RABGAP1L: variants seen among roughly 807,000 people sequenced by gnomAD.
The protein encoded by RABGAP1L is RAB GTPase activating protein 1 like.
RABGAP1L carries 63 observed loss-of-function variants against 137.7 expected under a neutral mutation model. The observed-to-expected ratio is 0.46, with a 90% CI of 0.37 to 0.56. The LOEUF is 0.56. Ranked by LOEUF, RABGAP1L falls within the 20% of genes least tolerant of loss-of-function variation. The pLI, the probability that RABGAP1L is intolerant of heterozygous loss-of-function variation, is 0.00. For synonymous variants in RABGAP1L, 431 were observed against 433.7 expected, an observed-to-expected ratio of 0.99 and a Z score of 0.08; for missense variants, 1,095 against 1,244.0, an observed-to-expected ratio of 0.88 and a Z score of 1.80.
chr1:174,579,050 C>G (rs1039475344), intron 13 of RABGAP1L, among the ~76,000 whole-genome samples: 2 of 152,112 alleles, frequency 1.3e-5, no homozygotes, highest in African/African-American at 4.8e-5. Flanking sequence ...TGGAGACCTG[C>G]TTTCCCAAAT....
At chr1:174,649,627 C>T (rs942090940) in intron 14 of RABGAP1L, among the ~76,000 whole-genome samples, 1 of 151,902 alleles carries the variant, frequency 6.6e-6, no homozygotes, top group Non-Finnish European at 1.5e-5. Context: ...CATGATTTGG[C>T]TCTCTGTTTG....
intron 14 of RABGAP1L, among the ~76,000 whole-genome samples, chr1:174,674,474 A>G (rs1677438214): frequency 6.7e-6 from 1 of 149,808 alleles, no homozygotes; most frequent in Non-Finnish European, 1.5e-5. Context: ...CATTTTCTTA[A>G]TCCAGTCTAT....
At chr1:174,657,461 T>G (rs923138397) in intron 14 of RABGAP1L, among the ~76,000 whole-genome samples, 1 of 152,160 alleles carries the variant, frequency 6.6e-6, no homozygotes, top group Non-Finnish European at 1.5e-5. Flanking sequence ...TGAGATCAAC[T>G]TTTTTAGCTT....
intron 17 of RABGAP1L, among the ~76,000 whole-genome samples, chr1:174,728,026 C>T (rs560163669): frequency 2.0e-5 from 3 of 152,236 alleles, no homozygotes; most frequent in Admixed American, 2.0e-4. Context: ...TACATTTTGT[C>T]ATTTCTACCA....
chr1:174,629,925 T>A (rs1673217617), intron 13 of RABGAP1L, among the ~76,000 whole-genome samples: 1 of 152,202 alleles, frequency 6.6e-6, no homozygotes, highest in South Asian at 2.1e-4. Flanking sequence ...AAAAAATTAC[T>A]CAGTATTGAA....
intron 13 of RABGAP1L, among the ~76,000 whole-genome samples, chr1:174,628,694 G>A (rs1036331376): frequency 5.9e-5 from 9 of 152,144 alleles, no homozygotes; most frequent in African/African-American, 2.2e-4. Flanking sequence ...TTATAATATC[G>A]TATTGGACTC....
intron 13 of RABGAP1L, among the ~76,000 whole-genome samples, chr1:174,507,996 A>G (rs1416855182): frequency 1.3e-5 from 2 of 152,144 alleles, no homozygotes; most frequent in African/African-American, 2.4e-5. Flanking sequence ...ACTACTGAGT[A>G]GCTTGTTCTG....
At chr1:174,860,761 G>A (rs1034175884) in intron 19 of RABGAP1L, among the ~76,000 whole-genome samples, 5 of 152,052 alleles carry the variant, frequency 3.3e-5, no homozygotes, top group Non-Finnish European at 7.4e-5. Context: ...AAGTTTTTAG[G>A]GATCTAATAG....
At chr1:174,327,984 CACATATATATATATATAT>C (rs1285162864) in intron 11 of RABGAP1L, among the ~76,000 whole-genome samples, 1 of 37,876 alleles carries the variant, frequency 2.6e-5, no homozygotes, top group Non-Finnish European at 5.1e-5. Context: ...TATATACACA[CACATATATATATATATAT>C]ATATATATAT....
chr1:174,678,906 G>A (rs1677846416), intron 14 of RABGAP1L, among the ~76,000 whole-genome samples: 1 of 152,236 alleles, frequency 6.6e-6, no homozygotes, highest in Admixed American at 6.5e-5. Flanking sequence ...CGGAGGGATG[G>A]AAGTCAGCAG....
chr1:174,330,289 C>T (rs931651937), intron 11 of RABGAP1L, among the ~76,000 whole-genome samples: 7 of 152,010 alleles, frequency 4.6e-5, no homozygotes, highest in Non-Finnish European at 1.0e-4. Flanking sequence ...GAAAGAAATC[C>T]TATTTATAAG....
intron 19 of RABGAP1L, among the ~76,000 whole-genome samples, chr1:174,903,787 C>A (rs1658537794): frequency 6.6e-6 from 1 of 151,826 alleles, no homozygotes; most frequent in South Asian, 2.1e-4. Flanking sequence ...ATCATCCCTA[C>A]TAAAAATACA....
chr1:174,732,887 T>C (rs1030784897), intron 17 of RABGAP1L, among the ~76,000 whole-genome samples: 6 of 152,214 alleles, frequency 3.9e-5, no homozygotes, highest in African/African-American at 1.4e-4. Flanking sequence ...CATGGTCTAT[T>C]TAATAAACTG....
intron 13 of RABGAP1L, among the ~76,000 whole-genome samples, chr1:174,539,942 T>C (rs1258384504): frequency 6.6e-6 from 1 of 152,228 alleles, no homozygotes; most frequent in African/African-American, 2.4e-5. Flanking sequence ...CTCCACATCC[T>C]CTCCAGCACC....
At chr1:174,258,734 A>T (rs910293714) in intron 7 of RABGAP1L, among the ~76,000 whole-genome samples, 1 of 152,166 alleles carries the variant, frequency 6.6e-6, no homozygotes. Flanking sequence ...AAAAATTTTT[A>T]AAATCATTAT....
At chr1:174,430,092 A>T (rs1327119843) in intron 13 of RABGAP1L, among the ~76,000 whole-genome samples, 1 of 152,038 alleles carries the variant, frequency 6.6e-6, no homozygotes, top group African/African-American at 2.4e-5. Context: ...CTTAGCTTAA[A>T]CCCTTCACAG....
intron 14 of RABGAP1L, among the ~76,000 whole-genome samples, chr1:174,680,737 G>GA (rs1321425397): frequency 6.6e-6 from 1 of 151,750 alleles, no homozygotes; most frequent in Non-Finnish European, 1.5e-5. Context: ...ACTAAAAATA[G>GA]AAAAAAACTT....
intron 11 of RABGAP1L, among the ~76,000 whole-genome samples, chr1:174,308,746 G>A (rs1226451188): frequency 6.6e-6 from 1 of 151,892 alleles, no homozygotes; most frequent in Non-Finnish European, 1.5e-5. Flanking sequence ...CTGTTTTTAT[G>A]CTGATCTCAT....
At chr1:174,220,465 C>T (rs1199075707) in intron 2 of RABGAP1L, among the ~76,000 whole-genome samples, 2 of 152,048 alleles carry the variant, frequency 1.3e-5, no homozygotes, top group Non-Finnish European at 2.9e-5. Context: ...GTAAGGAGCT[C>T]AAGACCAGCC....
Sources: gnomAD v4.1 joint callset for allele counts (sites outside exome capture counted in the v4.1 genomes callset) on GRCh38, gnomAD v4.1.1 for gene constraint, MANE v1.5 for transcripts, NCBI Gene and HGNC (gene_info 2026-07-23, HGNC 2026-07-21) for gene names.